The following GPR176 variants were observed in gnomAD, a reference collection of about 807,000 sequenced individuals.
GPR176 encodes the protein G-protein coupled receptor 176.
A neutral mutation model predicts 35.4 loss-of-function variants in GPR176; 26 were observed. That is an observed-to-expected ratio of 0.74 (90% CI 0.54 to 1.02). GPR176 has a LOEUF of 1.02. GPR176 is among the 50% of genes least tolerant of loss of function. The pLI, the probability that GPR176 is intolerant of heterozygous loss-of-function variation, is 0.00. For synonymous variants in GPR176, 278 were observed against 271.3 expected (o/e 1.02, Z -0.24); for missense variants, 597 against 665.3 (o/e 0.90, Z 1.13).
chr15:39,914,033 G>A (rs2033657203), intron 1 of GPR176, among the ~76,000 whole-genome samples: 1 of 152,118 alleles, frequency 6.6e-6, no homozygotes, highest in Non-Finnish European at 1.5e-5. Context: ...ACAACAGAGT[G>A]AGACTCAGTC....
chr15:39,909,606 A>G (rs965967357), intron 1 of GPR176, among the ~76,000 whole-genome samples: 8 of 152,318 alleles, frequency 5.3e-5, no homozygotes, highest in African/African-American at 1.7e-4. Context: ...CCCTCTCCCA[A>G]AACAAAGACA....
At chr15:39,850,723 T>C (rs1055919062) in intron 1 of GPR176, among the ~76,000 whole-genome samples, 3 of 152,078 alleles carry the variant, frequency 2.0e-5, no homozygotes, top group Admixed American at 6.6e-5. Flanking sequence ...TCGGGGGACA[T>C]TGGGTTAAGA....
chr15:39,816,233 A>G (rs1215777180), intron 1 of GPR176, among the ~76,000 whole-genome samples: 1 of 152,212 alleles, frequency 6.6e-6, no homozygotes, highest in Non-Finnish European at 1.5e-5. Context: ...GACTACAGTA[A>G]GCAATATATT....
At chr15:39,904,887 C>T (rs997283882) in intron 1 of GPR176, among the ~76,000 whole-genome samples, 1 of 152,182 alleles carries the variant, frequency 6.6e-6, no homozygotes, top group African/African-American at 2.4e-5. Flanking sequence ...GCAGCATTTG[C>T]AGGGAGCAAG....
At chr15:39,901,204 C>T (rs2033266826) in intron 1 of GPR176, among the ~76,000 whole-genome samples, 1 of 151,650 alleles carries the variant, frequency 6.6e-6, no homozygotes, top group Non-Finnish European at 1.5e-5. Flanking sequence ...ATATTAATAA[C>T]AAGATGTACC....
At chr15:39,895,637 C>A (rs1276930585) in intron 1 of GPR176, among the ~76,000 whole-genome samples, 1 of 152,128 alleles carries the variant, frequency 6.6e-6, no homozygotes, top group Non-Finnish European at 1.5e-5. Context: ...ACAACAAATA[C>A]AACTCTGTAA....
intron 1 of GPR176, chr15:39,829,374 C>T (rs35986028): frequency 0.35 from 434,530 of 1,259,166 alleles, 80,854 homozygotes; most frequent in Non-Finnish European, 0.38. Flanking sequence ...ACAAGGAGCT[C>T]ACAATGCTCT....
chr15:39,893,696 A>G (rs1388029783), intron 1 of GPR176, among the ~76,000 whole-genome samples: 1 of 119,176 alleles, frequency 8.4e-6, no homozygotes, highest in African/African-American at 3.1e-5. Flanking sequence ...AGAGGCGCCC[A>G]TCACCTCCCG....
At chr15:39,860,785 C>A (rs1236116523) in intron 1 of GPR176, 1 of 152,202 alleles carries the variant, frequency 6.6e-6, no homozygotes, top group African/African-American at 2.4e-5. Flanking sequence ...TACTTACATT[C>A]TGGTTTTTAC....
chr15:39,834,553 A>C (rs1371015338), intron 1 of GPR176, among the ~76,000 whole-genome samples: 1 of 152,178 alleles, frequency 6.6e-6, no homozygotes, highest in Non-Finnish European at 1.5e-5. Context: ...CAGATGAATG[A>C]TAAAGAAAAT....
chr15:39,879,251 C>G (rs372259960), intron 1 of GPR176, among the ~76,000 whole-genome samples: 8 of 152,188 alleles, frequency 5.3e-5, no homozygotes, highest in Admixed American at 2.0e-4. Context: ...AACCCTGTTT[C>G]TTAACTCCCT....
chr15:39,831,757 C>G (rs1901090084), intron 1 of GPR176, among the ~76,000 whole-genome samples: 1 of 152,160 alleles, frequency 6.6e-6, no homozygotes, highest in South Asian at 2.1e-4. Flanking sequence ...GGCCCAATAT[C>G]TCTCAGCCAC....
intron 1 of GPR176, among the ~76,000 whole-genome samples, chr15:39,839,380 G>T (rs1040735575): frequency 6.6e-6 from 1 of 152,154 alleles, no homozygotes; most frequent in African/African-American, 2.4e-5. Flanking sequence ...AATGGGGAAA[G>T]GATTCCCTAT....
In GPR176 at chr15:39,920,191, C is replaced by T; in HGVS notation, c.-165G>A. 1 of 430,898 alleles carries T rather than the reference C, an allele frequency of 2.3e-6. No individual in the cohort carries two copies. Among genetic ancestry groups the T allele is most frequent in the Non-Finnish European group, 3.9e-6 (1 of 253,670 alleles). The allele number at this position is 430,898 out of a possible 1,614,324, so 26.7% of individuals were successfully genotyped here. On this transcript the variant is annotated 5_prime_UTR_variant, in exon 1 of 3. Coordinates refer to ENST00000561100, the MANE Select transcript of GPR176 (RefSeq NM_007223.3). Reference sequence around the variant, plus strand: ...TCTCCACATCGCCAACCCCGGCGCCCGGGAGGCGGGGAGGGAGGGAGGCGC... The same window carrying T: ...TCTCCACATCGCCAACCCCGGCGCCTGGGAGGCGGGGAGGGAGGGAGGCGC...
chr15:39,886,110 G>A (rs1379780425), intron 1 of GPR176, among the ~76,000 whole-genome samples: 1 of 152,090 alleles, frequency 6.6e-6, no homozygotes, highest in Non-Finnish European at 1.5e-5. Flanking sequence ...GCGGGCGCCT[G>A]TAATCCCAGC....
intron 1 of GPR176, among the ~76,000 whole-genome samples, chr15:39,879,032 T>C (rs1010399542): frequency 4.6e-5 from 7 of 152,360 alleles, no homozygotes; most frequent in African/African-American, 1.7e-4. Context: ...TGGTGAAGAT[T>C]ACTGAGAGGT....
rs537045872 is a variant in GPR176, at chr15:39,894,509, C to G, written c.172+25346G>C. On this transcript the variant is annotated intron_variant, in intron 1 of 2. Coordinates refer to ENST00000561100, the MANE Select transcript of GPR176 (RefSeq NM_007223.3). The stretch of plus-strand genomic sequence containing the variant: ...GGGTCTCCTCACTTCTCAGAGGGGG[C>G]GGCAGGCAGAGATGCTCCTCACCTC... 1.8e-4 allele frequency: 31 copies of G among 175,108 alleles called. 1 individual carries two copies. Among genetic ancestry groups the G allele is most frequent in the African/African-American group, 7.4e-4 (30 of 40,328 alleles). 10.8% of individuals were successfully genotyped at this position (175,108 alleles called of 1,614,324 possible).
intron 1 of GPR176, among the ~76,000 whole-genome samples, chr15:39,857,971 C>CG (rs779553093): frequency 0.036 from 2,775 of 77,370 alleles, 89 homozygotes; most frequent in African/African-American, 0.11. Context: ...ACTCCTTCTC[C>CG]AAAAAAAAAA....
chr15:39,908,170 A>T (rs981898456), intron 1 of GPR176, among the ~76,000 whole-genome samples: 3 of 152,140 alleles, frequency 2.0e-5, no homozygotes, highest in Non-Finnish European at 4.4e-5. Flanking sequence ...AGCCTTCTTT[A>T]CATCCCTGGG....
Sources: gnomAD v4.1 joint callset for allele counts (sites outside exome capture counted in the v4.1 genomes callset) on GRCh38, gnomAD v4.1.1 for gene constraint, MANE v1.5 for transcripts, NCBI Gene and HGNC (gene_info 2026-07-23, HGNC 2026-07-21) for gene names.